Variants in DNAH11 observed in about 807,000 individuals in gnomAD.
DNAH11 encodes the protein dynein axonemal heavy chain 11.
Under a neutral mutation model 526.0 loss-of-function variants are expected in DNAH11, and 442 were observed. That is an observed-to-expected ratio of 0.84 (90% confidence interval 0.78 to 0.91). The LOEUF (loss-of-function observed/expected upper bound fraction) is 0.91, where lower values mean the gene tolerates loss of function less well. Ranked by LOEUF, DNAH11 falls within the 40% of genes least tolerant of loss-of-function variation. The probability of loss-of-function intolerance (pLI) is 0.00; values close to 1 mark genes in which losing one functional copy is unlikely to be tolerated. For synonymous variants in DNAH11, 2,461 were observed against 1,935.9 expected (o/e 1.27, Z -7.12); for missense variants, 6,989 against 5,448.7 (o/e 1.28, Z -8.90).
intron 42 of DNAH11, among the ~76,000 whole-genome samples, chr7:21,716,671 T>C (rs544585437): frequency 6.6e-6 from 1 of 152,196 alleles, no homozygotes; most frequent in Non-Finnish European, 1.5e-5. Context: ...CCTTCATTCC[T>C]TTGTCCCCAG....
At chr7:21,730,048 A>G (rs541554433) in intron 45 of DNAH11, among the ~76,000 whole-genome samples, 348 of 152,372 alleles carry the variant, frequency 2.3e-3, no homozygotes, top group African/African-American at 7.0e-3. Flanking sequence ...CAGTTAGTAT[A>G]GCCATTATGG....
intron 31 of DNAH11, 100 bp downstream of exon 31, chr7:21,681,777 T>G: frequency 1.4e-6 from 2 of 1,453,850 alleles, no homozygotes; most frequent in South Asian, 2.3e-5. Flanking sequence ...TTTTGAAAGT[T>G]TGTATGTTTT....
chr7:21,868,087 C>A, intron 72 of DNAH11, 80 bp downstream of exon 72: 26 of 1,129,204 alleles, frequency 2.3e-5, no homozygotes, highest in South Asian at 3.4e-5. Context: ...CTTTTCAGTT[C>A]ACAGTGATCT....
rs145703582 is a variant in DNAH11, at chr7:21,838,277, C to G, written c.10692-4267C>G. The stretch of plus-strand genomic sequence containing the variant: ...CTATGCTCAAAAGACAAGCGTGAAC[C>G]TCTGAGAAACTGTATTAGCATGGTA... On this transcript the variant is annotated intron_variant, in intron 65 of 81. Coordinates refer to ENST00000409508, the MANE Select transcript of DNAH11 (RefSeq NM_001277115.2). 6.6e-4 allele frequency among the ~76,000 whole-genome samples: 100 copies of G among 152,300 alleles called. 1 individual carries two copies. Among genetic ancestry groups the G allele is most frequent in the Admixed American group, 2.2e-3 (33 of 15,300 alleles).
intron 57 of DNAH11, among the ~76,000 whole-genome samples, chr7:21,780,941 A>G (rs576923656): frequency 7.0e-4 from 106 of 152,318 alleles, no homozygotes; most frequent in Admixed American, 3.3e-3. Context: ...GGATATTTTG[A>G]GATAAGTGCT....
intron 77 of DNAH11, 64 bp from the exon 78 acceptor site, chr7:21,894,559 T>A: frequency 6.5e-7 from 1 of 1,528,788 alleles, no homozygotes; most frequent in Non-Finnish European, 9.0e-7. Context: ...GTAGAGGATA[T>A]ACACAGTCAC....
At chr7:21,793,403 G>T (rs527656844) in intron 61 of DNAH11, among the ~76,000 whole-genome samples, 1 of 152,224 alleles carries the variant, frequency 6.6e-6, no homozygotes, top group Non-Finnish European at 1.5e-5. Context: ...AGATCATGAG[G>T]TCAGGAGATT....
At chr7:21,769,623 C>T (rs565813900) in intron 55 of DNAH11, among the ~76,000 whole-genome samples, 1 of 151,812 alleles carries the variant, frequency 6.6e-6, no homozygotes. Flanking sequence ...TAGCTGGGAC[C>T]ACAGGTGCAC....
At chr7:21,640,052 G>C (rs1787052268) in intron 28 of DNAH11, among the ~76,000 whole-genome samples, 1 of 152,042 alleles carries the variant, frequency 6.6e-6, no homozygotes, top group South Asian at 2.1e-4. Flanking sequence ...GGCTATTCTT[G>C]TTGTTGATAA....
At chr7:21,580,144 AGAAG>A (rs1784256285) in intron 8 of DNAH11, among the ~76,000 whole-genome samples, 1 of 152,122 alleles carries the variant, frequency 6.6e-6, no homozygotes, top group Non-Finnish European at 1.5e-5. Context: ...TGAGTGAGTG[AGAAG>A]GGAGGGAGGT....
intron 61 of DNAH11, among the ~76,000 whole-genome samples, chr7:21,789,813 TTTC>T (rs1313342996): frequency 1.2e-5 from 1 of 85,560 alleles, no homozygotes; most frequent in African/African-American, 4.6e-5. Context: ...TTCTTTTTTC[TTTC>T]TTTCTTTCTT....
chr7:21,550,950 T>G (rs1782998797), intron 2 of DNAH11, among the ~76,000 whole-genome samples: 1 of 152,192 alleles, frequency 6.6e-6, no homozygotes, highest in African/African-American at 2.4e-5. Context: ...ATGGCCTGTT[T>G]TATAATCACC....
chr7:21,750,982 A>C (rs1786387980), intron 54 of DNAH11, among the ~76,000 whole-genome samples: 1 of 152,192 alleles, frequency 6.6e-6, no homozygotes, highest in Non-Finnish European at 1.5e-5. Flanking sequence ...TTTTGAATTA[A>C]GAAAGTGATG....
intron 65 of DNAH11, among the ~76,000 whole-genome samples, chr7:21,827,780 C>A (rs918050900): frequency 3.9e-5 from 6 of 151,924 alleles, no homozygotes; most frequent in African/African-American, 1.5e-4. Context: ...AGTTTATTAA[C>A]TATTATTATG....
intron 54 of DNAH11, among the ~76,000 whole-genome samples, chr7:21,755,773 A>G (rs1324638314): frequency 1.3e-5 from 2 of 152,128 alleles, no homozygotes; most frequent in East Asian, 3.8e-4. Flanking sequence ...GAAGGCTCCC[A>G]TAGGAGGTAA....
intron 53 of DNAH11, 47 bp downstream of exon 53, chr7:21,749,848 T>G (rs760459584): frequency 6.2e-7 from 1 of 1,608,482 alleles, no homozygotes; most frequent in Non-Finnish European, 8.5e-7. Flanking sequence ...CAATGACAAA[T>G]TATCTGTAGT....
rs1541357 is a variant in DNAH11 at position 21,776,793 on chromosome 7, T to A, written c.9337-2165T>A. ...AGATGATAATAGATTCAGAAGAAAT[T>A]ACAAAGCATAGTACAGACAGGTCCC... is the stretch of plus-strand genomic sequence containing the variant. On this transcript the variant is annotated intron_variant, in intron 56 of 81. Coordinates refer to ENST00000409508, the MANE Select transcript of DNAH11 (RefSeq NM_001277115.2). Among the ~76,000 whole-genome samples the A allele has an allele frequency of 4.8e-3, 735 of 152,152 alleles. 8 individuals are homozygous for A. Among genetic ancestry groups the A allele is most frequent in the African/African-American group, 0.017 (695 of 41,484 alleles).
chr7:21,773,843 C>T lies in DNAH11; in HGVS notation c.9180C>T (p.Tyr3060=). 6.2e-7 allele frequency: 1 copy of T among 1,608,680 alleles called. No individual in the cohort carries two copies. Among genetic ancestry groups the T allele is most frequent in the Non-Finnish European group, 8.5e-7 (1 of 1,177,618 alleles). ...TAAATGAAATGAGTACCAGATATTA[C>T]CAGAATGAGAGAAGACACAACTATA... ...TTVNEMSTRY[Y]QNERRHNYTT... Residue 3060 remains tyrosine, a synonymous_variant, in exon 56 of 82, where the codon TAC becomes TAT. Transcript: ENST00000409508.
At chr7:21,825,791 C>G (rs183370403) in intron 65 of DNAH11, among the ~76,000 whole-genome samples, 277 of 152,018 alleles carry the variant, frequency 1.8e-3, no homozygotes, top group African/African-American at 6.3e-3. Flanking sequence ...AACCCCTTCT[C>G]TACTAAAAAT....
Sources: allele counts gnomAD v4.1 joint callset (sites outside exome capture counted in the v4.1 genomes callset), GRCh38; gene constraint gnomAD v4.1.1; transcripts MANE v1.5; gene names NCBI Gene and HGNC (gene_info 2026-07-23, HGNC 2026-07-21).